SSPN: variants seen among roughly 807,000 people sequenced by gnomAD.
The protein encoded by SSPN is sarcospan, also known as K-ras oncogene-associated protein.
Under a neutral mutation model 19.1 loss-of-function variants are expected in SSPN, and 15 were observed. The observed-to-expected ratio is 0.78, with a 90% confidence interval of 0.52 to 1.21. The LOEUF is 1.21. Among genes scored for constraint, SSPN ranks in the 50% most tolerant of loss-of-function variants. The pLI is 0.00. For missense variants in SSPN, 291 were observed against 314.0 expected (o/e 0.93, Z 0.55); for synonymous variants, 147 against 140.3 (o/e 1.05, Z -0.34).
At chr12:26,184,876 A>G (rs1005291341) in intron 1 of SSPN, among the ~76,000 whole-genome samples, 5 of 152,142 alleles carry the variant, frequency 3.3e-5, no homozygotes, top group Admixed American at 1.3e-4. Flanking sequence ...GGAGAAAAGG[A>G]AAATATCCAT....
chr12:26,135,028 T>G lies in SSPN; in HGVS notation c.-31+12876T>G, dbSNP rs1490451645. The G allele has an allele frequency of 3.3e-5, 5 of 152,414 alleles. No individual in the cohort carries two copies. The South Asian group carries it at 8.3e-4, about 25-fold the overall frequency. The allele number at this position is 152,414 out of a possible 1,614,324, so 9.4% of individuals were successfully genotyped here. A position where few individuals can be genotyped will look rare whatever the true frequency, so the allele number is the denominator to read the frequency against. Reference sequence around the variant, plus strand: ...CAGTAAGCTCTGCTCCCTAGCAGCCTTGGTAAGTTGAGTTTCTCACTTGCA... The same window carrying G: ...CAGTAAGCTCTGCTCCCTAGCAGCCGTGGTAAGTTGAGTTTCTCACTTGCA... On this transcript the variant is annotated intron_variant, in intron 1 of 2. Coordinates refer to the SSPN transcript ENST00000538142.
At chr12:26,219,974 C>G (rs1312963178) in intron 1 of SSPN, among the ~76,000 whole-genome samples, 1 of 152,152 alleles carries the variant, frequency 6.6e-6, no homozygotes, top group African/African-American at 2.4e-5. Context: ...GAATGTCATT[C>G]CAGATAGGCC....
At chr12:26,151,318 T>C (rs1044536851) in intron 1 of SSPN, among the ~76,000 whole-genome samples, 31 of 152,100 alleles carry the variant, frequency 2.0e-4, no homozygotes, top group Admixed American at 1.8e-3. Context: ...GAAGTTACAG[T>C]TCATTCCAAA....
intron 1 of SSPN, among the ~76,000 whole-genome samples, chr12:26,171,875 T>C (rs1944655546): frequency 6.6e-6 from 1 of 152,190 alleles, no homozygotes; most frequent in Non-Finnish European, 1.5e-5. Flanking sequence ...ATCCTGGAAT[T>C]GGCATCAGAA....
intron 2 of SSPN, among the ~76,000 whole-genome samples, chr12:26,228,689 C>G (rs566873872): frequency 1.7e-4 from 26 of 152,110 alleles, no homozygotes; most frequent in Admixed American, 7.9e-4. Context: ...ATGGTCAAGA[C>G]AGTTTAATTT....
intron 1 of SSPN, among the ~76,000 whole-genome samples, chr12:26,153,253 A>G (rs895553963): frequency 6.6e-6 from 1 of 152,214 alleles, no homozygotes; most frequent in Non-Finnish European, 1.5e-5. Flanking sequence ...CAAACGAGTT[A>G]ATATATGTAA....
intron 2 of SSPN, among the ~76,000 whole-genome samples, chr12:26,230,236 T>G (rs2137521526): frequency 6.6e-6 from 1 of 152,340 alleles, no homozygotes; most frequent in Admixed American, 6.5e-5. Flanking sequence ...AAAAATTAAC[T>G]TATGCTATTA....
intron 1 of SSPN, among the ~76,000 whole-genome samples, chr12:26,200,608 G>C (rs369739869): frequency 6.6e-6 from 1 of 152,186 alleles, no homozygotes; most frequent in South Asian, 2.1e-4. Flanking sequence ...AACTGGAAGA[G>C]AGAAAGGTTT....
chr12:26,226,015 T>C (rs1443616868), intron 2 of SSPN, among the ~76,000 whole-genome samples: 1 of 151,380 alleles, frequency 6.6e-6, no homozygotes, highest in African/African-American at 2.4e-5. Context: ...TCACTGCCAA[T>C]GTCAGCCAGG....
chr12:26,226,743 A>G (rs575078046), intron 2 of SSPN, among the ~76,000 whole-genome samples: 1 of 152,002 alleles, frequency 6.6e-6, no homozygotes, highest in Non-Finnish European at 1.5e-5. Flanking sequence ...CTGCGGAAAC[A>G]TTCCAGGGCA....
intron 1 of SSPN, among the ~76,000 whole-genome samples, chr12:26,157,425 A>T (rs1944562317): frequency 6.6e-6 from 1 of 152,220 alleles, no homozygotes; most frequent in Non-Finnish European, 1.5e-5. Flanking sequence ...ATTTCTGAGT[A>T]AATTGGAGTG....
At chr12:26,148,371 G>T (rs1944505448) in intron 1 of SSPN, among the ~76,000 whole-genome samples, 1 of 152,242 alleles carries the variant, frequency 6.6e-6, no homozygotes. Context: ...ATGGGGAGGA[G>T]ATCTTAAATC....
rs770083050 is a variant in SSPN, at chr12:26,146,818, T to TAAAAA, written c.-31+24674_-31+24678dup. On this transcript the variant is annotated intron_variant, in intron 1 of 2. Transcript: ENST00000538142. ...GCCTGGGCGACAGAGCAAGGCTGTC[T>TAAAAA]AAAAAAAAAAAAGAAAGAAATCATT... Among the ~76,000 whole-genome samples, 12 of 105,182 alleles carry TAAAAA rather than the reference T, an allele frequency of 1.1e-4. No individual in the cohort carries two copies. The East Asian group carries it at 2.1e-3, about 18-fold the overall frequency. The allele number at this position is 105,182 out of a possible 152,430, so 69.0% of individuals were successfully genotyped here. A position where few individuals can be genotyped will look rare whatever the true frequency, so the allele number is the denominator to read the frequency against.
chr12:26,180,418 G>C (rs1286576410), intron 1 of SSPN: 1 of 152,140 alleles, frequency 6.6e-6, no homozygotes, highest in African/African-American at 2.4e-5. Flanking sequence ...AGAACATAGT[G>C]TGAGGTGACA....
intron 1 of SSPN, among the ~76,000 whole-genome samples, chr12:26,167,543 C>A (rs572131487): frequency 6.6e-6 from 1 of 152,120 alleles, no homozygotes. Context: ...TACAATCTCT[C>A]CTGCTTTCTT....
At chr12:26,209,297 C>T (rs1021239112) in intron 1 of SSPN, among the ~76,000 whole-genome samples, 1 of 152,030 alleles carries the variant, frequency 6.6e-6, no homozygotes, top group Non-Finnish European at 1.5e-5. Flanking sequence ...TATTTTGTGA[C>T]CAATCTTCAT....
At chr12:26,166,213 A>G (rs1310558769) in intron 1 of SSPN, among the ~76,000 whole-genome samples, 1 of 152,184 alleles carries the variant, frequency 6.6e-6, no homozygotes, top group South Asian at 2.1e-4. Flanking sequence ...TGGCACGTGT[A>G]TACCTATGTA....
rs59727119 is a variant in SSPN, at chr12:26,201,046, T to TAA, written c.279+5095_279+5096insAA. Among the ~76,000 whole-genome samples, 659 of 77,102 alleles carry TAA rather than the reference T, an allele frequency of 8.5e-3. 3 individuals are homozygous for TAA. The highest frequency in any genetic ancestry group is 0.013 in the Non-Finnish European group (536 of 42,550). The allele number at this position is 77,102 out of a possible 152,430, so 50.6% of individuals were successfully genotyped here. Reference sequence around the variant, plus strand: ...ATATATATATATATATATATATATATTATATATATATATTTGGAAATAAAA... The same window carrying TAA: ...ATATATATATATATATATATATATATAATATATATATATATTTGGAAATAAAA... On this transcript the variant is annotated intron_variant, in intron 1 of 2. Transcript: ENST00000242729.
At chr12:26,179,128 G>A (rs925032299) in intron 1 of SSPN, among the ~76,000 whole-genome samples, 7 of 152,176 alleles carry the variant, frequency 4.6e-5, no homozygotes, top group African/African-American at 1.7e-4. Flanking sequence ...TAGGCTTCCT[G>A]GAGGAAACTA....
Sources: gnomAD v4.1 joint callset for allele counts (sites outside exome capture counted in the v4.1 genomes callset) on GRCh38, gnomAD v4.1.1 for gene constraint, MANE v1.5 for transcripts, NCBI Gene and HGNC (gene_info 2026-07-23, HGNC 2026-07-21) for gene names.